The following CSNK2A2 variants were observed in gnomAD, a reference collection of about 807,000 sequenced individuals.
CSNK2A2 encodes the protein casein kinase 2 alpha 2.
A neutral mutation model predicts 54.0 loss-of-function variants in CSNK2A2; 8 were observed. The ratio of observed to expected loss-of-function variants is 0.15; its 90% CI spans 0.09 to 0.27. The LOEUF is 0.27. Ranked by LOEUF, CSNK2A2 falls within the 10% of genes least tolerant of loss-of-function variation. The pLI is 1.00. For missense variants in CSNK2A2, 242 were observed against 439.4 expected, an observed-to-expected ratio of 0.55 and a Z score of 4.02; for synonymous variants, 141 against 153.9, an observed-to-expected ratio of 0.92 and a Z score of 0.62.
chr16:58,172,580 A>C (rs1293645032), intron 5 of CSNK2A2, among the ~76,000 whole-genome samples: 1 of 152,276 alleles, frequency 6.6e-6, no homozygotes, highest in African/African-American at 2.4e-5. Flanking sequence ...GAATAAACTA[A>C]TTAAGACCAC....
intron 5 of CSNK2A2, among the ~76,000 whole-genome samples, chr16:58,171,167 T>C (rs1308033422): frequency 6.6e-6 from 1 of 152,112 alleles, no homozygotes. Flanking sequence ...GCCCTAGGAT[T>C]AGCATTCCAG....
chr16:58,184,199 T>A, intron 4 of CSNK2A2, 61 bp downstream of exon 4: 1 of 1,337,314 alleles, frequency 7.5e-7, no homozygotes, highest in South Asian at 1.3e-5. Flanking sequence ...GAGTACACAG[T>A]ATTTATCACC....
At chr16:58,179,144 G>T (rs1428478126) in intron 4 of CSNK2A2, among the ~76,000 whole-genome samples, 1 of 152,132 alleles carries the variant, frequency 6.6e-6, no homozygotes, top group Non-Finnish European at 1.5e-5. Flanking sequence ...ATTTACAAGT[G>T]ACGTATCATA....
At chr16:58,190,206 A>C (rs948228948) in intron 2 of CSNK2A2, among the ~76,000 whole-genome samples, 3 of 151,988 alleles carry the variant, frequency 2.0e-5, no homozygotes, top group African/African-American at 7.2e-5. Flanking sequence ...CAGTTTAGCT[A>C]TTGTCCAAAC....
In CSNK2A2 at chr16:58,180,925, C is replaced by T. The variant is rs866086012; in HGVS notation, c.369+3335G>A. ...AAAATAAAAAGACTAAAGGACATCA[C>T]GACGGTGAACTAAATGATTTTGTTT... On this transcript the variant is annotated intron_variant, in intron 4 of 11. Transcript: ENST00000262506. Among the ~76,000 whole-genome samples, 5 of 152,250 alleles carry T rather than the reference C, an allele frequency of 3.3e-5. No homozygotes were observed. The South Asian group carries it at 1.0e-3, about 32-fold the overall frequency.
At chr16:58,166,253 A>G (rs1961559362) in intron 9 of CSNK2A2, among the ~76,000 whole-genome samples, 1 of 152,242 alleles carries the variant, frequency 6.6e-6, no homozygotes, top group Non-Finnish European at 1.5e-5. Flanking sequence ...AAAATATAAT[A>G]AAAAACAAAC....
chr16:58,186,357 G>C (rs995218419), intron 3 of CSNK2A2, among the ~76,000 whole-genome samples: 1 of 152,206 alleles, frequency 6.6e-6, no homozygotes, highest in African/African-American at 2.4e-5. Context: ...TCCACGTGGA[G>C]ATATTCATTC....
chr16:58,171,979 A>ATATATATTT (rs1261137669), intron 5 of CSNK2A2, among the ~76,000 whole-genome samples: 2 of 66,186 alleles, frequency 3.0e-5, no homozygotes, highest in Non-Finnish European at 5.0e-5. Context: ...ATATATATAT[A>ATATATATTT]TTTTTTTTTT....
chr16:58,161,203 C>T (rs1040486689), intron 11 of CSNK2A2: 4 of 152,188 alleles, frequency 2.6e-5, no homozygotes, highest in African/African-American at 9.7e-5. Flanking sequence ...AGAAGCAAAC[C>T]TTGCAGTCAG....
intron 9 of CSNK2A2, 118 bp from the exon 10 acceptor site, chr16:58,165,826 C>G (rs534509066): frequency 6.4e-6 from 7 of 1,095,248 alleles, no homozygotes; most frequent in Non-Finnish European, 8.9e-6. Context: ...CTTGTTAAAT[C>G]TCTAACTGGT....
In CSNK2A2 at chr16:58,184,292, C is replaced by A; in HGVS notation, c.337G>T (p.Val113Leu). 3 of 1,601,940 alleles carry A rather than the reference C, an allele frequency of 1.9e-6. No individual in the cohort carries two copies. The highest frequency in any genetic ancestry group is 2.6e-6 in the Non-Finnish European group (3 of 1,171,044). ...TCTGTATTATTGATATATTCAAATA[C>A]CAAAGCTGGTGTCTTTGACTGTAAA... ...KDPVSKTPAL[V>L]FEYINNTDFK... Residue 113 changes from valine to leucine, a missense_variant, in exon 4 of 12, where the codon GTA becomes TTA. Val to Leu is a conservative substitution (Grantham distance 32). Around this residue, in one of 5 missense-constraint regions of CSNK2A2, gnomAD observed 69 missense variants for 97.0 expected, o/e 0.71. Transcript: ENST00000262506.
chr16:58,164,083 C>T lies in CSNK2A2; in HGVS notation c.1041G>A (p.Thr347=), dbSNP rs779927776. 19 of 1,613,522 alleles carry T rather than the reference C, an allele frequency of 1.2e-5. No individual in the cohort carries two copies. The highest frequency in any genetic ancestry group is 5.3e-5 in the African/African-American group (4 of 74,928). Residue 347 remains threonine, a synonymous_variant, in exon 11 of 12, where the codon ACG becomes ACA. Transcript: ENST00000262506. ...CGCTTTCCAGTCTTCATCGTGCTGC[C>T]GTGAGACCACTGGAAAGCACAGCAT... is the stretch of plus-strand genomic sequence containing the variant. ...ADNAVLSSGL[T]AAR is the part of the protein sequence containing the mutation.
chr16:58,163,456 C>G (rs1055044725), intron 11 of CSNK2A2: 2 of 152,116 alleles, frequency 1.3e-5, no homozygotes, highest in Non-Finnish European at 1.5e-5. Context: ...GTGAAAGTGA[C>G]TGCAGTTTGC....
chr16:58,171,448 G>A lies in CSNK2A2; in HGVS notation c.430-2755C>T, dbSNP rs555336479. On this transcript the variant is annotated intron_variant, in intron 5 of 11. Coordinates refer to ENST00000262506, the MANE Select transcript of CSNK2A2 (RefSeq NM_001896.4). ...CGAGGCGGGAGAACTGCTTGAACCCGGGAGGTGGAGGTTGCAGTGAGCCGA... is the reference window on the plus strand; with the variant it reads ...CGAGGCGGGAGAACTGCTTGAACCCAGGAGGTGGAGGTTGCAGTGAGCCGA... 1.8e-4 allele frequency among the ~76,000 whole-genome samples: 27 copies of A among 152,096 alleles called. 1 individual carries two copies. The South Asian group carries it at 3.1e-3, about 18-fold the overall frequency.
intron 4 of CSNK2A2, among the ~76,000 whole-genome samples, chr16:58,177,466 A>G (rs922478042): frequency 1.3e-5 from 2 of 152,202 alleles, no homozygotes; most frequent in East Asian, 3.8e-4. Flanking sequence ...CCATGGTGTA[A>G]AACCACAGAC....
At chr16:58,171,991 T>A (rs1391044077) in intron 5 of CSNK2A2, among the ~76,000 whole-genome samples, 345 of 95,628 alleles carry the variant, frequency 3.6e-3, no homozygotes, top group African/African-American at 9.3e-3. Flanking sequence ...TTTTTTTTTT[T>A]TTTTTTTTTT....
intron 4 of CSNK2A2, among the ~76,000 whole-genome samples, chr16:58,175,056 C>T (rs984987224): frequency 6.6e-6 from 1 of 152,150 alleles, no homozygotes; most frequent in African/African-American, 2.4e-5. Context: ...AAAATCTATA[C>T]CCTCTGCTCC....
rs1348177461 is a variant in CSNK2A2 at position 58,197,891 on chromosome 16, CCGCGGGGGCGGGCGGGCTGGGGG to C, written c.-178_-156del. The C allele has an allele frequency of 7.8e-6, 1 of 128,228 alleles. No homozygotes were observed. The highest frequency in any genetic ancestry group is 1.7e-5 in the Non-Finnish European group (1 of 59,572). 7.9% of individuals were successfully genotyped at this position (128,228 alleles called of 1,614,324 possible). On this transcript the variant is annotated 5_prime_UTR_variant, in exon 1 of 12. Coordinates refer to ENST00000262506, the MANE Select transcript of CSNK2A2 (RefSeq NM_001896.4). The surrounding 1 kb of genome is among the most constrained non-coding windows in gnomAD (Gnocchi z 4.0). Reference sequence around the variant, plus strand: ...GGCGGGCGGCCGCGCCAGGCCGGGCCCGCGGGGGCGGGCGGGCTGGGGGCGCGGGGGGCGCCGGCCGAGCCGGC... The same window carrying C: ...GGCGGGCGGCCGCGCCAGGCCGGGCCCGCGGGGGGCGCCGGCCGAGCCGGC...
At chr16:58,186,929 G>T in intron 2 of CSNK2A2, 73 bp from the exon 3 acceptor site, 2 of 1,210,456 alleles carry the variant, frequency 1.7e-6, no homozygotes, top group Non-Finnish European at 2.4e-6. Flanking sequence ...AACAATGTTA[G>T]CCAATCAGAT....
Sources: gnomAD v4.1 joint callset for allele counts (sites outside exome capture counted in the v4.1 genomes callset) on GRCh38, gnomAD v4.1.1 for gene constraint, gnomAD v4.1.1 regional missense constraint, Gnocchi (gnomAD v3.1) non-coding constraint, MANE v1.5 for transcripts, NCBI Gene and HGNC (gene_info 2026-07-23, HGNC 2026-07-21) for gene names.